FFAR1: variants seen among roughly 807,000 people sequenced by gnomAD.
FFAR1 encodes free fatty acid receptor 1.
For missense variants in FFAR1, 424 were observed against 396.2 expected (o/e 1.07, Z -0.60); for synonymous variants, 216 against 201.5 (o/e 1.07, Z -0.61).
exon 1 of FFAR1, chr19:35,351,898 C>A (rs777810859): frequency 2.5e-6 from 4 of 1,614,052 alleles, no homozygotes; most frequent in Non-Finnish European, 3.4e-6. Flanking sequence ...GGCTACCAAG[C>A]CTTCCGGAGG....
At chr19:35,351,900 T>A in exon 1 of FFAR1, 1 of 1,614,004 alleles carries the variant, frequency 6.2e-7, no homozygotes, top group Non-Finnish European at 8.5e-7. Context: ...CTACCAAGCC[T>A]TCCGGAGGCC....
exon 1 of FFAR1, chr19:35,352,838 G>A: frequency 3.3e-6 from 1 of 301,022 alleles, no homozygotes; most frequent in East Asian, 7.4e-5. Flanking sequence ...ATGCACTTGA[G>A]GACAGCTACT....
At chr19:35,352,593 C>G in exon 1 of FFAR1, 1 of 903,092 alleles carries the variant, frequency 1.1e-6, no homozygotes, top group Non-Finnish European at 1.6e-6. Flanking sequence ...GAGAGCGGCG[C>G]CTGCTGAGGG....
rs1373656046 is a variant in FFAR1, at chr19:35,352,047, G to A, written c.496G>A (p.Gly166Ser). The A allele has an allele frequency of 1.9e-6, 3 of 1,613,900 alleles. No homozygotes were observed. The South Asian group carries it at 3.3e-5, about 18-fold the overall frequency. ...CCTGGGCATCAACACACCGGTCAACGGCTCTCCGGTCTGCCTGGAGGCCTG... is the reference window on the plus strand; with the variant it reads ...CCTGGGCATCAACACACCGGTCAACAGCTCTCCGGTCTGCCTGGAGGCCTG... Residue 166 changes from glycine (G) to serine (S), a missense_variant, in exon 1 of 1, where the codon GGC becomes AGC. Gly to Ser is a moderately conservative substitution (Grantham distance 56). Coordinates refer to ENST00000246553, the Ensembl canonical transcript of FFAR1.
exon 1 of FFAR1, chr19:35,353,618 G>GTATTTATCAATAC (rs1413472010): frequency 2.6e-5 from 4 of 152,252 alleles, no homozygotes; most frequent in Non-Finnish European, 5.9e-5. Flanking sequence ...TCACAGCACT[G>GTATTTATCAATAC]TGCTGTATTT....
chr19:35,351,726 C>G, exon 1 of FFAR1: 2 of 1,564,964 alleles, frequency 1.3e-6, no homozygotes, highest in Non-Finnish European at 1.7e-6. Context: ...GACAGTCTCT[C>G]TGCCCCTGAA....
rs750325601 is a variant in FFAR1, at chr19:35,351,921, T to TG, written c.376dup (p.Val126GlyfsTer147). 52 of 1,614,096 alleles carry TG rather than the reference T, an allele frequency of 3.2e-5. No homozygotes were observed. Among genetic ancestry groups the TG allele is most frequent in the Admixed American group, 5.0e-5 (3 of 60,028 alleles). On this transcript the variant is annotated frameshift_variant, in exon 1 of 1. Transcript: ENST00000246553. LOFTEE classifies it low-confidence loss of function (END_TRUNC). Reference sequence around the variant, plus strand: ...AGCCTTCCGGAGGCCGTGCTATTCCTGGGGGGTGTGCGCGGCCATCTGGGC... The same window carrying TG: ...AGCCTTCCGGAGGCCGTGCTATTCCTGGGGGGGTGTGCGCGGCCATCTGGGC...
At position 35,352,741 on chromosome 19, in the gene FFAR1, T is replaced by C. The variant is rs536273664; in HGVS notation, c.*287T>C. 3.4e-4 allele frequency: 170 copies of C among 493,076 alleles called. 1 individual carries two copies. Among genetic ancestry groups the C allele is most frequent in the South Asian group, 7.7e-4 (31 of 40,306 alleles). The allele number at this position is 493,076 out of a possible 1,614,324, so 30.5% of individuals were successfully genotyped here. ...CCCTCTGCACGTCCTCACCTGCCTG[T>C]CTTCCGTGGGCCGCGAGCAGAGGCC... On this transcript the variant is annotated 3_prime_UTR_variant, in exon 1 of 1. Coordinates refer to ENST00000246553, the Ensembl canonical transcript of FFAR1.
chr19:35,348,752 T>C (rs946227852), upstream of FFAR1, among the ~76,000 whole-genome samples: 5 of 152,176 alleles, frequency 3.3e-5, no homozygotes, highest in African/African-American at 1.2e-4. Flanking sequence ...AGCCAGTTGT[T>C]AGGACACCAA....
chr19:35,351,579 G>A (rs1408115648), exon 1 of FFAR1: 3 of 1,540,972 alleles, frequency 1.9e-6, no homozygotes, highest in Admixed American at 3.9e-5. Flanking sequence ...GCTCTCCTTC[G>A]GCCTCTATGT....
chr19:35,348,675 T>C (rs148733813), upstream of FFAR1, among the ~76,000 whole-genome samples: 25 of 152,228 alleles, frequency 1.6e-4, no homozygotes, highest in Non-Finnish European at 3.2e-4. Context: ...GGGTCTGGTG[T>C]CATTCAACTC....
upstream of FFAR1, among the ~76,000 whole-genome samples, chr19:35,350,515 G>A (rs2066939707): frequency 6.6e-6 from 1 of 152,168 alleles, no homozygotes; most frequent in Non-Finnish European, 1.5e-5. Flanking sequence ...GGCTGGGGAG[G>A]GAATAGCGCT....
At chr19:35,352,859 T>G in exon 1 of FFAR1, 1 of 243,774 alleles carries the variant, frequency 4.1e-6, no homozygotes, top group Non-Finnish European at 8.1e-6. Flanking sequence ...CTGAAATCAG[T>G]TCCCAGGAGA....
exon 1 of FFAR1, chr19:35,352,565 C>A: frequency 8.3e-7 from 1 of 1,202,310 alleles, no homozygotes; most frequent in Non-Finnish European, 1.1e-6. Flanking sequence ...CGGAGGCCTC[C>A]CTGGAGCCAC....
chr19:35,349,066 G>A (rs375739732), upstream of FFAR1, among the ~76,000 whole-genome samples: 407 of 152,302 alleles, frequency 2.7e-3, 4 homozygotes, highest in African/African-American at 9.1e-3. Context: ...GACGCAGGCC[G>A]CCCTCCACAA....
upstream of FFAR1, among the ~76,000 whole-genome samples, chr19:35,349,509 G>A (rs967411807): frequency 1.5e-4 from 23 of 152,232 alleles, no homozygotes; most frequent in African/African-American, 4.8e-4. Context: ...CGCTCACAGC[G>A]GGCGCTGCAC....
At chr19:35,351,372 A>G (rs553346205), upstream of FFAR1, among the ~76,000 whole-genome samples, 121 of 152,094 alleles carry the variant, frequency 8.0e-4, 2 homozygotes, top group South Asian at 0.024. Flanking sequence ...CTGCTCCCTG[A>G]CTGCTGCCTT....
chr19:35,352,255 T>G (rs894448487), exon 1 of FFAR1: 1 of 1,555,114 alleles, frequency 6.4e-7, no homozygotes, highest in Non-Finnish European at 8.7e-7. Context: ...ACGCTGCTGC[T>G]CTGCGTAGGA....
upstream of FFAR1, among the ~76,000 whole-genome samples, chr19:35,349,425 G>A (rs2066935382): frequency 1.3e-5 from 2 of 152,240 alleles, no homozygotes; most frequent in Non-Finnish European, 2.9e-5. Flanking sequence ...AAACCACACT[G>A]CTGTGGATTC....
Sources: gnomAD v4.1 joint callset for allele counts (sites outside exome capture counted in the v4.1 genomes callset) on GRCh38, gnomAD v4.1.1 for gene constraint, MANE v1.5 for transcripts, NCBI Gene and HGNC (gene_info 2026-07-23, HGNC 2026-07-21) for gene names.